CREB5: variants seen among roughly 807,000 people sequenced by gnomAD.
The protein encoded by CREB5 is cyclic AMP-responsive element-binding protein 5.
A neutral mutation model predicts 57.1 loss-of-function variants in CREB5; 19 were observed. The observed-to-expected ratio is 0.33, with a 90% CI of 0.23 to 0.49. The LOEUF is 0.49. Among genes scored for constraint, CREB5 ranks in the 20% least tolerant of loss-of-function variants. The pLI is 0.99. For missense variants in CREB5, 579 were observed against 671.6 expected (o/e 0.86, Z 1.52); for synonymous variants, 238 against 238.3 (o/e 1.00, Z 0.01).
rs149082554 is a variant in CREB5, at chr7:28,557,460, A to G, written c.292-12905A>G. On this transcript the variant is annotated intron_variant, in intron 4 of 10. Transcript: ENST00000357727. ...CCTTGATGGTTAAGAAAAAAATAGA[A>G]CCATTAGGTTTTCTGTGTGTGTGTT... Among the ~76,000 whole-genome samples the G allele has an allele frequency of 5.3e-3, 805 of 152,182 alleles. 6 individuals are homozygous for G. The highest frequency in any genetic ancestry group is 0.018 in the African/African-American group (744 of 41,460).
chr7:28,310,182 G>A (rs1405092543), intron 1 of CREB5, among the ~76,000 whole-genome samples: 1 of 152,174 alleles, frequency 6.6e-6, no homozygotes, highest in African/African-American at 2.4e-5. Context: ...ATGGAGAAAG[G>A]AGTGGAAGGG....
chr7:28,602,676 A>T (rs1432809604), intron 5 of CREB5, among the ~76,000 whole-genome samples: 3 of 152,242 alleles, frequency 2.0e-5, no homozygotes, highest in Non-Finnish European at 4.4e-5. Flanking sequence ...ATAGAGATGG[A>T]GAGCAGATTA....
intron 1 of CREB5, among the ~76,000 whole-genome samples, chr7:28,307,419 A>C (rs1785209590): frequency 6.6e-6 from 1 of 152,228 alleles, no homozygotes; most frequent in South Asian, 2.1e-4. Context: ...CACAGCAACA[A>C]GGTGTTGTCA....
At chr7:28,657,853 A>G (rs1287169404) in intron 5 of CREB5, among the ~76,000 whole-genome samples, 1 of 152,124 alleles carries the variant, frequency 6.6e-6, no homozygotes, top group Non-Finnish European at 1.5e-5. Context: ...GGCTCATTAG[A>G]GTACAGTTAT....
At chr7:28,498,251 A>G (rs1181237396) in intron 3 of CREB5, among the ~76,000 whole-genome samples, 1 of 152,228 alleles carries the variant, frequency 6.6e-6, no homozygotes, top group Non-Finnish European at 1.5e-5. Flanking sequence ...AAATCAAAAT[A>G]TCAGGGTAAA....
chr7:28,689,400 G>A (rs932911939), intron 5 of CREB5, among the ~76,000 whole-genome samples: 3 of 152,064 alleles, frequency 2.0e-5, no homozygotes, highest in South Asian at 2.1e-4. Context: ...CCTGGGAGGC[G>A]GAGCTTGCAG....
At chr7:28,788,340 A>G (rs1304139730) in intron 7 of CREB5, among the ~76,000 whole-genome samples, 1 of 152,236 alleles carries the variant, frequency 6.6e-6, no homozygotes, top group Non-Finnish European at 1.5e-5. Flanking sequence ...GAGAACAACT[A>G]GGTTAAGCCA....
chr7:28,380,735 C>A (rs1786951311), intron 1 of CREB5, among the ~76,000 whole-genome samples: 1 of 152,168 alleles, frequency 6.6e-6, no homozygotes, highest in Admixed American at 6.5e-5. Flanking sequence ...AAGCTGTCAC[C>A]ATTTTTGACT....
intron 7 of CREB5, among the ~76,000 whole-genome samples, chr7:28,793,643 C>T (rs750388227): frequency 1.3e-5 from 2 of 152,218 alleles, no homozygotes; most frequent in Admixed American, 6.5e-5. Context: ...TCAAGCGAGC[C>T]GAGCACAGCC....
At chr7:28,410,027 C>G (rs1466332235), upstream of CREB5, 1 of 448,206 alleles carries the variant, frequency 2.2e-6, no homozygotes, top group Non-Finnish European at 4.5e-6. Context: ...TTGCAAACTT[C>G]CAGCGGGCGC....
intron 5 of CREB5, among the ~76,000 whole-genome samples, chr7:28,628,968 C>A (rs1160811135): frequency 6.6e-6 from 1 of 152,096 alleles, no homozygotes; most frequent in East Asian, 1.9e-4. Context: ...CCTTCTCCCC[C>A]ACGTCCCCTC....
intron 7 of CREB5, among the ~76,000 whole-genome samples, chr7:28,734,206 CAAAAAAAAA>C (rs61403862): frequency 1.2e-3 from 112 of 96,434 alleles, no homozygotes; most frequent in African/African-American, 3.1e-3. Context: ...TTCAGTAGTT[CAAAAAAAAA>C]AAAAAAAAAA....
chr7:28,752,612 T>C (rs1805049288), intron 7 of CREB5, among the ~76,000 whole-genome samples: 1 of 152,230 alleles, frequency 6.6e-6, no homozygotes, highest in African/African-American at 2.4e-5. Flanking sequence ...TTCTTCACTT[T>C]TCCAAAGGAT....
chr7:28,784,108 C>G (rs1428021877), intron 7 of CREB5, among the ~76,000 whole-genome samples: 1 of 152,204 alleles, frequency 6.6e-6, no homozygotes, highest in Non-Finnish European at 1.5e-5. Flanking sequence ...TTTGGAGCAT[C>G]TTTCTACTCT....
At chr7:28,605,280 A>C (rs577438987) in intron 5 of CREB5, among the ~76,000 whole-genome samples, 11 of 152,306 alleles carry the variant, frequency 7.2e-5, no homozygotes, top group Admixed American at 1.3e-4. Flanking sequence ...TTTTTACTTT[A>C]AGTGAGAGCA....
chr7:28,677,949 C>T (rs1302980435), intron 5 of CREB5, among the ~76,000 whole-genome samples: 1 of 152,112 alleles, frequency 6.6e-6, no homozygotes, highest in Non-Finnish European at 1.5e-5. Context: ...TTGGCCCAGA[C>T]AGTGCATGAA....
chr7:28,608,133 A>T (rs867716351), intron 5 of CREB5, among the ~76,000 whole-genome samples: 2,367 of 142,010 alleles, frequency 0.017, 65 homozygotes, highest in African/African-American at 0.068. Context: ...TCACACACAC[A>T]CACACACACA....
intron 5 of CREB5, among the ~76,000 whole-genome samples, chr7:28,630,259 T>C (rs1335375303): frequency 6.6e-6 from 1 of 152,246 alleles, no homozygotes; most frequent in Non-Finnish European, 1.5e-5. Context: ...GAATTTCCTC[T>C]TTTCAGACCC....
rs139516049 is a variant in CREB5, at chr7:28,396,233, C to T, written c.-25+96792C>T. On this transcript the variant is annotated intron_variant, in intron 1 of 9. Transcript: ENST00000396299. ...CAGAAGATACAAAGGCTTAGAGATA[C>T]ATGGCATGGTGCCTGAGAAAGAGTT... Among the ~76,000 whole-genome samples the T allele has an allele frequency of 1.6e-3, 247 of 152,290 alleles. 2 individuals are homozygous for T. The highest frequency in any genetic ancestry group is 6.8e-3 in the Middle Eastern group (2 of 294).
Sources: allele counts gnomAD v4.1 joint callset (sites outside exome capture counted in the v4.1 genomes callset), GRCh38; gene constraint gnomAD v4.1.1; transcripts MANE v1.5; gene names NCBI Gene and HGNC (gene_info 2026-07-23, HGNC 2026-07-21).